The following SPIDR variants were observed in gnomAD, a reference collection of about 807,000 sequenced individuals.
SPIDR encodes DNA repair-scaffolding protein.
A neutral mutation model predicts 104.6 loss-of-function variants in SPIDR; 93 were observed. That is an observed-to-expected ratio of 0.89 (90% confidence interval 0.75 to 1.06). The LOEUF (loss-of-function observed/expected upper bound fraction) is 1.06. Ranked by LOEUF, SPIDR falls within the 50% of genes least tolerant of loss-of-function variation. SPIDR has a pLI of 0.00. For synonymous variants in SPIDR, 431 were observed against 416.9 expected, an observed-to-expected ratio of 1.03 and a Z score of -0.41; for missense variants, 1,154 against 1,111.2, an observed-to-expected ratio of 1.04 and a Z score of -0.55.
chr8:47,520,448 G>A (rs931641160), intron 8 of SPIDR, among the ~76,000 whole-genome samples: 2 of 152,156 alleles, frequency 1.3e-5, no homozygotes, highest in Non-Finnish European at 1.5e-5. Flanking sequence ...TCTGGCTAAA[G>A]AGTAGTTTGT....
At chr8:47,336,025 T>A (rs1235072100) in intron 5 of SPIDR, among the ~76,000 whole-genome samples, 2 of 152,118 alleles carry the variant, frequency 1.3e-5, no homozygotes, top group Non-Finnish European at 2.9e-5. Flanking sequence ...TCTCAGTCAT[T>A]GTTGTTTCAA....
At chr8:47,273,708 C>T (rs113088395) in intron 1 of SPIDR, among the ~76,000 whole-genome samples, 28 of 152,114 alleles carry the variant, frequency 1.8e-4, no homozygotes, top group East Asian at 7.7e-4. Context: ...ATCCTCCTAC[C>T]GCAGCCTCCT....
chr8:47,571,693 A>G (rs2058545708), intron 8 of SPIDR, among the ~76,000 whole-genome samples: 1 of 152,256 alleles, frequency 6.6e-6, no homozygotes, highest in Admixed American at 6.5e-5. Context: ...ATAGTACTCA[A>G]CCTTGTATAA....
chr8:47,567,044 T>G (rs1439813597), intron 8 of SPIDR, among the ~76,000 whole-genome samples: 1 of 152,060 alleles, frequency 6.6e-6, no homozygotes, highest in Non-Finnish European at 1.5e-5. Flanking sequence ...GAAAACACAA[T>G]TTGTTCTCTG....
intron 1 of SPIDR, among the ~76,000 whole-genome samples, chr8:47,274,414 T>C (rs959543475): frequency 6.6e-6 from 1 of 152,226 alleles, no homozygotes. Context: ...ATGTCTTCTT[T>C]CCTTCTCGTT....
intron 16 of SPIDR, among the ~76,000 whole-genome samples, chr8:47,722,715 T>C (rs1249431925): frequency 6.6e-6 from 1 of 152,244 alleles, no homozygotes; most frequent in Non-Finnish European, 1.5e-5. Flanking sequence ...TCTATACAAG[T>C]TGAGTATCCC....
chr8:47,732,324 T>A (rs1042825219), intron 19 of SPIDR: 10 of 645,778 alleles, frequency 1.5e-5, no homozygotes, highest in Non-Finnish European at 2.5e-5. Flanking sequence ...TATGTGTGCA[T>A]CAGAGCACCT....
At chr8:47,671,549 C>T (rs541624482) in intron 10 of SPIDR, among the ~76,000 whole-genome samples, 25 of 150,750 alleles carry the variant, frequency 1.7e-4, no homozygotes, top group Non-Finnish European at 2.9e-4. Flanking sequence ...TGCTCCACTG[C>T]ACCCCAGCCT....
chr8:47,621,363 CT>C (rs1463508108), intron 10 of SPIDR, among the ~76,000 whole-genome samples: 1 of 152,228 alleles, frequency 6.6e-6, no homozygotes, highest in Non-Finnish European at 1.5e-5. Flanking sequence ...CATGAATCAT[CT>C]TGAAAGTGAA....
intron 8 of SPIDR, among the ~76,000 whole-genome samples, chr8:47,465,985 A>G (rs2074712689): frequency 6.6e-6 from 1 of 152,280 alleles, no homozygotes; most frequent in South Asian, 2.1e-4. Context: ...TCCCCTAAAT[A>G]TATATACACC....
In SPIDR at chr8:47,612,046, C is replaced by T. The variant is rs992816603; in HGVS notation, c.1544+12850C>T. ...ATAAGCGCAAGACCACCCTTCCTTT[C>T]TTTGGTGTGGAATCTCAGTGCAGGT... On this transcript the variant is annotated intron_variant, in intron 10 of 19. Transcript: ENST00000297423. Among the ~76,000 whole-genome samples the T allele has an allele frequency of 4.6e-5, 7 of 152,278 alleles. No individual in the cohort carries two copies. The East Asian group carries it at 9.7e-4, about 21-fold the overall frequency.
intron 14 of SPIDR, among the ~76,000 whole-genome samples, chr8:47,703,972 C>T (rs772393586): frequency 4.4e-4 from 67 of 152,154 alleles, no homozygotes; most frequent in Non-Finnish European, 8.5e-4. Context: ...AAGAACACAG[C>T]GCTGATACAT....
intron 19 of SPIDR, among the ~76,000 whole-genome samples, 196 bp from the exon 20 acceptor site, chr8:47,735,111 G>GGGT (rs1554618430): frequency 3.7e-5 from 5 of 135,252 alleles, no homozygotes; most frequent in Admixed American, 2.1e-4. Context: ...TGTGTGTGTG[G>GGGT]GTGTGTGTGT....
intron 8 of SPIDR, among the ~76,000 whole-genome samples, chr8:47,528,411 C>T (rs549168557): frequency 1.2e-3 from 183 of 152,232 alleles, no homozygotes; most frequent in Admixed American, 3.4e-3. Context: ...AATTACTAGG[C>T]GTTCTAAAAG....
intron 1 of SPIDR, among the ~76,000 whole-genome samples, chr8:47,274,161 A>G (rs1346263142): frequency 1.3e-5 from 2 of 152,212 alleles, no homozygotes; most frequent in Non-Finnish European, 2.9e-5. Flanking sequence ...GGAACCTGGG[A>G]TAATGACCAG....
At chr8:47,622,119 C>T (rs528340178) in intron 10 of SPIDR, among the ~76,000 whole-genome samples, 47 of 152,054 alleles carry the variant, frequency 3.1e-4, no homozygotes, top group African/African-American at 1.1e-3. Flanking sequence ...ATGTCCAGGG[C>T]GAGGTGCTCA....
intron 7 of SPIDR, among the ~76,000 whole-genome samples, chr8:47,410,893 AGTGAGAACACGTGGT>A (rs1384956046): frequency 6.6e-6 from 1 of 151,972 alleles, no homozygotes; most frequent in Non-Finnish European, 1.5e-5. Flanking sequence ...CCCACCTATG[AGTGAGAACACGTGGT>A]GTTCGGTTTT....
At chr8:47,701,654 A>T in intron 12 of SPIDR, 67 bp from the exon 13 acceptor site, 2 of 1,454,632 alleles carry the variant, frequency 1.4e-6, no homozygotes, top group Non-Finnish European at 9.5e-7. Flanking sequence ...GGAGATTTTA[A>T]TAATATCTCC....
At chr8:47,438,577 G>A (rs929032038) in intron 7 of SPIDR, among the ~76,000 whole-genome samples, 1 of 152,206 alleles carries the variant, frequency 6.6e-6, no homozygotes. Flanking sequence ...TCACTTCTTA[G>A]TGCCTTTCTT....
Sources: gnomAD v4.1 joint callset for allele counts (sites outside exome capture counted in the v4.1 genomes callset) on GRCh38, gnomAD v4.1.1 for gene constraint, MANE v1.5 for transcripts, NCBI Gene and HGNC (gene_info 2026-07-23, HGNC 2026-07-21) for gene names.